ETNPPL: variants seen among roughly 807,000 people sequenced by gnomAD.
ETNPPL encodes the protein alanine--glyoxylate aminotransferase 2-like 1.
In ETNPPL, 30 loss-of-function variants were observed where a neutral mutation model predicts 55.5. The ratio of observed to expected loss-of-function variants is 0.54; its 90% CI spans 0.40 to 0.73. The LOEUF is 0.73. Among genes scored for constraint, ETNPPL ranks in the 30% least tolerant of loss-of-function variants. ETNPPL has a pLI of 0.00. For synonymous variants in ETNPPL, 202 were observed against 207.2 expected (o/e 0.98, Z 0.21); for missense variants, 528 against 607.9 (o/e 0.87, Z 1.38).
intron 12 of ETNPPL, 136 bp from the exon 13 acceptor site, chr4:108,742,748 C>T: frequency 1.1e-6 from 1 of 900,930 alleles, no homozygotes; most frequent in Non-Finnish European, 1.7e-6. Flanking sequence ...TCCTTTCTAA[C>T]CCTCTCCTCA....
chr4:108,755,070 T>C (rs1729133041), intron 4 of ETNPPL, among the ~76,000 whole-genome samples: 1 of 152,250 alleles, frequency 6.6e-6, no homozygotes, highest in Non-Finnish European at 1.5e-5. Context: ...ATGTATTCTT[T>C]AAATGTGTTA....
At position 108,744,657 on chromosome 4, in the gene ETNPPL, C is replaced by T. The variant is rs554248823; in HGVS notation, c.1304-801G>A. Among the ~76,000 whole-genome samples the T allele has an allele frequency of 1.7e-4, 26 of 152,018 alleles. No individual in the cohort carries two copies. In the South Asian group the frequency reaches 1.9e-3, roughly 11 times the overall value. ...TCTATTTTGTATGCTATATTGATTC[C>T]TAGCTTCTTGGCTTTATCCTAACCC... On this transcript the variant is annotated intron_variant, in intron 11 of 12. Transcript: ENST00000296486.
chr4:108,759,742 A>G lies in ETNPPL; in HGVS notation c.335+7T>C. On this transcript the variant is annotated splice_region_variant and intron_variant, in intron 3 of 12. Coordinates refer to ENST00000296486, the MANE Select transcript of ETNPPL (RefSeq NM_031279.4). ...AATGGGGAGGGGTGGGAAACCATGA[A>G]GCATACCCTGAATTTGTAAAATAAC... 1 of 1,613,876 alleles carries G rather than the reference A, an allele frequency of 6.2e-7. No homozygotes were observed. Among genetic ancestry groups the G allele is most frequent in the South Asian group, 1.1e-5 (1 of 90,994 alleles).
intron 4 of ETNPPL, among the ~76,000 whole-genome samples, chr4:108,755,216 G>A (rs528305710): frequency 3.3e-5 from 5 of 152,274 alleles, no homozygotes; most frequent in Non-Finnish European, 5.9e-5. Context: ...GAAGGAAAAG[G>A]AGATCTTTTT....
chr4:108,745,594 A>G (rs1163751011), intron 11 of ETNPPL, among the ~76,000 whole-genome samples: 3 of 151,860 alleles, frequency 2.0e-5, no homozygotes, highest in Non-Finnish European at 4.4e-5. Flanking sequence ...ACTCTGTCTC[A>G]GAAAATAAAT....
intron 8 of ETNPPL, 37 bp downstream of exon 8, chr4:108,749,201 T>G: frequency 6.7e-7 from 1 of 1,484,298 alleles, no homozygotes; most frequent in Non-Finnish European, 9.4e-7. Flanking sequence ...TGCATTATTT[T>G]TCCTTCTTAG....
chr4:108,754,918 ACTCAT>A (rs1326062622), intron 4 of ETNPPL: 2 of 481,656 alleles, frequency 4.2e-6, no homozygotes, highest in Non-Finnish European at 7.2e-6. Context: ...ATGTAATAAA[ACTCAT>A]AGAAAGCCAA....
In ETNPPL at chr4:108,742,329, C is replaced by G; in HGVS notation, c.*155G>C. 1.5e-6 allele frequency: 1 copy of G among 657,796 alleles called. No homozygotes were observed. Among genetic ancestry groups the G allele is most frequent in the South Asian group, 2.3e-5 (1 of 42,608 alleles). The allele number at this position is 657,796 out of a possible 1,614,324, so 40.7% of individuals were successfully genotyped here. ...TAATCTTGACATGGTTTGATTATCA[C>G]TTGGTTTATTCTGATTACTCATTTA... On this transcript the variant is annotated 3_prime_UTR_variant, in exon 13 of 13. Transcript: ENST00000296486.
In ETNPPL at chr4:108,762,705, G is replaced by A; in HGVS notation, c.56+138C>T. 3.6e-6 allele frequency: 4 copies of A among 1,096,124 alleles called. No homozygotes were observed. In the Admixed American group the frequency reaches 5.3e-5, roughly 14 times the overall value. 67.9% of individuals were successfully genotyped at this position (1,096,124 alleles called of 1,614,324 possible). ...GCGGCCCCTGCAGGTGGAGGCGCGC[G>A]GGGCGCGTGCACAGGCGCGGCGGGC... is the stretch of plus-strand genomic sequence containing the variant. On this transcript the variant is annotated intron_variant, in intron 1 of 12. Transcript: ENST00000296486.
At position 108,748,033 on chromosome 4, in the gene ETNPPL, C is replaced by G; in HGVS notation, c.1054G>C (p.Ala352Pro). Reference protein sequence around the residue: ...YLTELLKKQKAKHTLIGDIRG... With the variant: ...YLTELLKKQKPKHTLIGDIRG... The stretch of plus-strand genomic sequence containing the variant: ...ATATCTCCTATCAAAGTGTGTTTAG[C>G]CTTCTGTTTTTTCAGTAACTCAGTG... The change falls in exon 9 of 13, where the codon GCT becomes CCT. Residue 352 changes from alanine (A) to proline (P), a missense_variant. Ala to Pro is a conservative substitution (Grantham distance 27). Coordinates refer to ENST00000296486, the MANE Select transcript of ETNPPL (RefSeq NM_031279.4). 1 of 1,610,434 alleles carries G rather than the reference C, an allele frequency of 6.2e-7. No homozygotes were observed. The highest frequency in any genetic ancestry group is 8.5e-7 in the Non-Finnish European group (1 of 1,178,750).
At chr4:108,757,710 G>A (rs1048412271) in intron 3 of ETNPPL, among the ~76,000 whole-genome samples, 3 of 152,062 alleles carry the variant, frequency 2.0e-5, no homozygotes, top group African/African-American at 4.8e-5. Flanking sequence ...AGGCTGAAGC[G>A]GGCAGATTGC....
intron 7 of ETNPPL, among the ~76,000 whole-genome samples, chr4:108,749,880 T>C (rs961249630): frequency 5.9e-5 from 9 of 152,112 alleles, no homozygotes; most frequent in African/African-American, 2.2e-4. Flanking sequence ...GATAATATTT[T>C]TAAAAAGGTT....
rs1203567410 is a variant in ETNPPL, at chr4:108,742,335, T to A, written c.*149A>T. 6.1e-5 allele frequency: 44 copies of A among 725,634 alleles called. No homozygotes were observed. Among genetic ancestry groups the A allele is most frequent in the Non-Finnish European group, 8.8e-5 (39 of 440,976 alleles). 44.9% of individuals were successfully genotyped at this position (725,634 alleles called of 1,614,324 possible). On this transcript the variant is annotated 3_prime_UTR_variant, in exon 13 of 13. Transcript: ENST00000296486. Reference sequence around the variant, plus strand: ...TGACATGGTTTGATTATCACTTGGTTTATTCTGATTACTCATTTACCTTTT... The same window carrying A: ...TGACATGGTTTGATTATCACTTGGTATATTCTGATTACTCATTTACCTTTT...
chr4:108,761,570 T>C (rs1729509094), intron 1 of ETNPPL, among the ~76,000 whole-genome samples: 1 of 152,220 alleles, frequency 6.6e-6, no homozygotes, highest in Non-Finnish European at 1.5e-5. Context: ...ACCTTGCCCG[T>C]CAGACTTCAG....
At chr4:108,761,555 T>G (rs1054721222) in intron 1 of ETNPPL, among the ~76,000 whole-genome samples, 1 of 152,246 alleles carries the variant, frequency 6.6e-6, no homozygotes, top group Admixed American at 6.5e-5. Flanking sequence ...TTTAATACAC[T>G]TTCCACCTTG....
chr4:108,744,731 T>C (rs1406724898), intron 11 of ETNPPL, among the ~76,000 whole-genome samples: 1 of 150,502 alleles, frequency 6.6e-6, no homozygotes, highest in African/African-American at 2.5e-5. Context: ...TTTTTTTTTT[T>C]TTTTTTGGAG....
In ETNPPL at chr4:108,747,222, TATTA is replaced by T. The variant is rs1273382107; in HGVS notation, c.1083-375_1083-372del. Among the ~76,000 whole-genome samples the T allele has an allele frequency of 3.5e-3, 52 of 14,670 alleles. 13 individuals carry two copies. Among genetic ancestry groups the T allele is most frequent in the African/African-American group, 0.029 (49 of 1,664 alleles). 9.6% of individuals were successfully genotyped at this position (14,670 alleles called of 152,430 possible). On this transcript the variant is annotated intron_variant, in intron 9 of 12. Coordinates refer to ENST00000296486, the MANE Select transcript of ETNPPL (RefSeq NM_031279.4). Reference sequence around the variant, plus strand: ...TATATATATATAATATATATATATATATTATATATATATATATAATATATATATA... The same window carrying T: ...TATATATATATAATATATATATATATTATATATATATATAATATATATATA...
In ETNPPL at chr4:108,746,620, T is replaced by C. The variant is rs933437833; in HGVS notation, c.1173-91A>G. The C allele has an allele frequency of 8.7e-6, 13 of 1,500,072 alleles. No individual in the cohort carries two copies. In the Admixed American group the frequency reaches 1.1e-4, roughly 12 times the overall value. 92.9% of individuals were successfully genotyped at this position (1,500,072 alleles called of 1,614,324 possible). A position where few individuals can be genotyped will look rare whatever the true frequency, so the allele number is the denominator to read the frequency against. On this transcript the variant is annotated intron_variant, in intron 10 of 12. Coordinates refer to ENST00000296486, the MANE Select transcript of ETNPPL (RefSeq NM_031279.4). ...TGAACATAGAGCAGTTTAAGTATTC[T>C]GCATTTAAGAAGCCCACATTATAAA...
intron 11 of ETNPPL, 49 bp downstream of exon 11, chr4:108,746,350 G>C: frequency 6.4e-7 from 1 of 1,563,544 alleles, no homozygotes; most frequent in African/African-American, 1.4e-5. Context: ...TTTGAGGGGT[G>C]GGTTTGGGAG....
Sources: gnomAD v4.1 joint callset for allele counts (sites outside exome capture counted in the v4.1 genomes callset) on GRCh38, gnomAD v4.1.1 for gene constraint, MANE v1.5 for transcripts, NCBI Gene and HGNC (gene_info 2026-07-23, HGNC 2026-07-21) for gene names.